Variants in KDM6A observed in about 807,000 individuals in gnomAD.
KDM6A encodes lysine demethylase 6A, also known as lysine-specific demethylase 6A.
A neutral mutation model predicts 117.6 loss-of-function variants in KDM6A; 11 were observed. The observed-to-expected ratio is 0.09, with a 90% CI of 0.06 to 0.15. KDM6A has a LOEUF of 0.15. Ranked by LOEUF, KDM6A falls within the 10% of genes least tolerant of loss-of-function variation. The pLI, the probability that KDM6A is intolerant of heterozygous loss-of-function variation, is 1.00. For synonymous variants in KDM6A, 384 were observed against 396.1 expected, an observed-to-expected ratio of 0.97 and a Z score of 0.36; for missense variants, 799 against 1,077.3, an observed-to-expected ratio of 0.74 and a Z score of 3.62.
intron 4 of KDM6A, among the ~76,000 whole-genome samples, chrX:44,993,837 G>T (rs1368000491): frequency 2.7e-5 from 3 of 111,456 alleles, no homozygotes; most frequent in Non-Finnish European, 5.7e-5. Flanking sequence ...CCGCACTCCA[G>T]CCTGGAGACA....
chrX:44,922,716 G>A (rs1481441021), intron 2 of KDM6A, among the ~76,000 whole-genome samples: 2 of 112,564 alleles, frequency 1.8e-5, no homozygotes. Flanking sequence ...TGATCCTCCC[G>A]CCTCAGCCTC....
chrX:44,891,942 A>G (rs1726876985), intron 2 of KDM6A, among the ~76,000 whole-genome samples: 1 of 112,671 alleles, frequency 8.9e-6, no homozygotes, highest in Non-Finnish European at 1.9e-5. Context: ...GACCAGTATA[A>G]GCATGCCAGG....
chrX:44,989,593 GT>G (rs1307953359), intron 4 of KDM6A, among the ~76,000 whole-genome samples: 2 of 111,953 alleles, frequency 1.8e-5, no homozygotes, highest in African/African-American at 6.5e-5. Context: ...AACATAATTA[GT>G]TTTTGGTAAG....
intron 4 of KDM6A, among the ~76,000 whole-genome samples, chrX:44,985,518 C>T (rs918218481): frequency 9.9e-5 from 11 of 111,495 alleles, no homozygotes; most frequent in African/African-American, 3.3e-4. Flanking sequence ...CCAGTTTTTG[C>T]CCATTCAGTA....
chrX:45,046,042 T>C (rs934838084), intron 8 of KDM6A, among the ~76,000 whole-genome samples: 8 of 111,586 alleles, frequency 7.2e-5, no homozygotes, highest in Admixed American at 4.8e-4. Flanking sequence ...TGATGAATAT[T>C]GGTGTAAAAA....
chrX:45,103,973 G>A (rs1209348356), intron 27 of KDM6A, among the ~76,000 whole-genome samples: 3 of 108,440 alleles, frequency 2.8e-5, no homozygotes, highest in African/African-American at 1.0e-4. Context: ...TCTTCTATGT[G>A]TTTACACCTT....
intron 27 of KDM6A, among the ~76,000 whole-genome samples, chrX:45,091,814 T>C (rs1164307777): frequency 1.8e-5 from 2 of 112,025 alleles, no homozygotes; most frequent in African/African-American, 3.2e-5. Flanking sequence ...CCTGCAGATA[T>C]ATTAATTTGG....
At position 45,048,954 on chromosome X, in the gene KDM6A, T is replaced by C. The variant is rs771996127; in HGVS notation, c.655-2755T>C. 2.7e-5 allele frequency among the ~76,000 whole-genome samples: 3 copies of C among 110,961 alleles called. No individual in the cohort carries two copies. In the East Asian group the frequency reaches 8.4e-4, roughly 31 times the overall value. ...CTATAAGCATCCATTGTATTTTGCT[T>C]CTACTTGTCTAGTGACAGACACTTA... is the stretch of plus-strand genomic sequence containing the variant. On this transcript the variant is annotated intron_variant, in intron 8 of 29. Transcript: ENST00000611820.
chrX:44,923,462 G>A (rs772535912), intron 2 of KDM6A, among the ~76,000 whole-genome samples: 13 of 90,284 alleles, frequency 1.4e-4, no homozygotes, highest in African/African-American at 4.2e-4. Context: ...GCTGTATCTC[G>A]TTGTGGATTA....
At chrX:45,103,868 A>G (rs770125025) in intron 27 of KDM6A, among the ~76,000 whole-genome samples, 10 of 111,837 alleles carry the variant, frequency 8.9e-5, no homozygotes, top group Non-Finnish European at 1.9e-4. Context: ...ACCAATACTG[A>G]TCCTTAAACG....
chrX:44,988,223 G>A (rs1345129506), intron 4 of KDM6A, among the ~76,000 whole-genome samples: 4 of 111,474 alleles, frequency 3.6e-5, no homozygotes, highest in South Asian at 3.7e-4. Flanking sequence ...TTGTGCATTC[G>A]TCACATAGTT....
intron 4 of KDM6A, among the ~76,000 whole-genome samples, chrX:45,010,593 C>G (rs918179762): frequency 9.0e-6 from 1 of 111,474 alleles, no homozygotes; most frequent in Non-Finnish European, 1.9e-5. Flanking sequence ...CCTGGCAGTA[C>G]TAAATATAAA....
chrX:44,940,586 A>G (rs1274024496), intron 2 of KDM6A, among the ~76,000 whole-genome samples: 4 of 111,779 alleles, frequency 3.6e-5, no homozygotes, highest in Non-Finnish European at 7.5e-5. Context: ...ATTTTTGAGA[A>G]GATGTCTTCT....
intron 2 of KDM6A, among the ~76,000 whole-genome samples, chrX:44,926,720 A>G (rs1373445795): frequency 2.7e-5 from 3 of 111,820 alleles, no homozygotes; most frequent in African/African-American, 9.8e-5. Context: ...GCCTCTGTTT[A>G]GAGACATTTG....
At chrX:45,097,193 C>CA (rs779171234) in intron 27 of KDM6A, among the ~76,000 whole-genome samples, 5 of 110,197 alleles carry the variant, frequency 4.5e-5, no homozygotes, top group Admixed American at 9.7e-5. Context: ...GAACAACAGA[C>CA]ACTGGGACCG....
At chrX:45,007,130 C>CTT (rs1036838434) in intron 4 of KDM6A, among the ~76,000 whole-genome samples, 1 of 111,511 alleles carries the variant, frequency 9.0e-6, no homozygotes, top group African/African-American at 3.3e-5. Flanking sequence ...AGGCATTTTG[C>CTT]TTGTTGACTT....
rs769136401 is a variant in KDM6A, at chrX:45,107,428, T to C, written c.4053T>C (p.Thr1351=). 85 of 1,206,576 alleles carry C rather than the reference T, an allele frequency of 7.0e-5. No individual in the cohort carries two copies. The East Asian group carries it at 2.5e-3, about 36-fold the overall frequency. ...ACAATAGGTATTGTCTTCTAAGAAC[T>C]CTGAAGCAATGTCAGACATTGAGGG... is the stretch of plus-strand genomic sequence containing the variant. The part of the protein sequence containing the change: ...FEMIKYCLLR[T]LKQCQTLREA... Residue 1351 remains threonine (T), a synonymous_variant, in exon 28 of 30, where the codon ACT becomes ACC. Transcript: ENST00000611820.
At position 44,957,210 on chromosome X, in the gene KDM6A, C is replaced by T. The variant is rs1489085862; in HGVS notation, c.226-4074C>T. On this transcript the variant is annotated intron_variant, in intron 2 of 29. Transcript: ENST00000611820. ...TTTATTATATTCAGCCTAAAAGTTT[C>T]ACTCATTTAAAACCATTGGGGTATT... Among the ~76,000 whole-genome samples the T allele has an allele frequency of 3.6e-5, 4 of 111,811 alleles. No individual in the cohort carries two copies. In the Admixed American group the frequency reaches 3.8e-4, roughly 11 times the overall value.
At chrX:45,010,903 C>G in intron 4 of KDM6A, 58 bp from the exon 5 acceptor site, 1 of 846,476 alleles carries the variant, frequency 1.2e-6, no homozygotes, top group Non-Finnish European at 1.8e-6. Context: ...ACAATAATAA[C>G]ATCATATATG....
Sources: allele counts gnomAD v4.1 joint callset (sites outside exome capture counted in the v4.1 genomes callset), GRCh38; gene constraint gnomAD v4.1.1; transcripts MANE v1.5; gene names NCBI Gene and HGNC (gene_info 2026-07-23, HGNC 2026-07-21).